The following CDH12 variants were observed in gnomAD, a reference collection of about 807,000 sequenced individuals.
CDH12 encodes the protein cadherin 12.
In CDH12, 41 loss-of-function variants were observed where a neutral mutation model predicts 74.1. That is an observed-to-expected ratio of 0.55 (90% CI 0.43 to 0.72). The LOEUF is 0.72. Among genes scored for constraint, CDH12 ranks in the 30% least tolerant of loss-of-function variants. CDH12 has a pLI of 0.00. For missense variants in CDH12, 945 were observed against 977.2 expected (o/e 0.97, Z 0.44); for synonymous variants, 399 against 355.0 (o/e 1.12, Z -1.39).
chr5:22,373,331 T>C (rs916738276), intron 3 of CDH12, among the ~76,000 whole-genome samples: 2 of 152,162 alleles, frequency 1.3e-5, no homozygotes, highest in African/African-American at 4.8e-5. Flanking sequence ...AGTGCCAGCA[T>C]GAACCACTTG....
intron 4 of CDH12, among the ~76,000 whole-genome samples, chr5:22,131,256 C>T (rs1165686802): frequency 6.6e-6 from 1 of 151,922 alleles, no homozygotes; most frequent in Non-Finnish European, 1.5e-5. Context: ...ATCTGGAATT[C>T]GGCATTGGCT....
At chr5:22,024,020 A>G (rs188888683) in intron 5 of CDH12, among the ~76,000 whole-genome samples, 4 of 152,316 alleles carry the variant, frequency 2.6e-5, no homozygotes, top group African/African-American at 9.6e-5. Context: ...GGGTGAGGGC[A>G]TATGGACCAT....
chr5:22,582,963 C>T (rs1257030267), intron 1 of CDH12, among the ~76,000 whole-genome samples: 1 of 152,054 alleles, frequency 6.6e-6, no homozygotes, highest in African/African-American at 2.4e-5. Flanking sequence ...GAAACCCCTG[C>T]TGCTAAAGGG....
intron 2 of CDH12, among the ~76,000 whole-genome samples, chr5:22,473,389 C>CT (rs1053273551): frequency 2.3e-4 from 35 of 152,106 alleles, no homozygotes; most frequent in African/African-American, 8.2e-4. Context: ...GGTATTTTGA[C>CT]TTTTTTAACT....
At chr5:22,411,033 T>A (rs1165300543) in intron 2 of CDH12, among the ~76,000 whole-genome samples, 1 of 151,894 alleles carries the variant, frequency 6.6e-6, no homozygotes, top group African/African-American at 2.4e-5. Context: ...TTGGGGATAA[T>A]TGTACTCTAC....
chr5:21,780,459 C>A (rs959193673), intron 11 of CDH12, among the ~76,000 whole-genome samples: 1 of 152,158 alleles, frequency 6.6e-6, no homozygotes, highest in Non-Finnish European at 1.5e-5. Flanking sequence ...AAGAGACCTG[C>A]CACAGCTACA....
chr5:22,403,817 A>G (rs1447338969), intron 3 of CDH12, among the ~76,000 whole-genome samples: 2 of 152,176 alleles, frequency 1.3e-5, no homozygotes, highest in African/African-American at 2.4e-5. Context: ...GATATCTGCA[A>G]CTGCACTGAG....
chr5:22,191,267 C>T (rs1434484695), intron 4 of CDH12, among the ~76,000 whole-genome samples: 1 of 152,026 alleles, frequency 6.6e-6, no homozygotes, highest in Non-Finnish European at 1.5e-5. Flanking sequence ...CTAGACCAAG[C>T]CAAGCCCTTC....
At chr5:22,697,587 A>AT in intron 1 of CDH12, among the ~76,000 whole-genome samples, 1 of 149,934 alleles carries the variant, frequency 6.7e-6, no homozygotes, top group African/African-American at 2.4e-5. Flanking sequence ...AAAAAAAAAA[A>AT]AAGAAAGAAA....
At chr5:22,182,847 TCTCTACAA>T (rs1235717956) in intron 4 of CDH12, among the ~76,000 whole-genome samples, 10 of 151,638 alleles carry the variant, frequency 6.6e-5, no homozygotes, top group Non-Finnish European at 1.5e-4. Context: ...TGTAGAACTT[TCTCTACAA>T]CTGATTAGAG....
intron 1 of CDH12, among the ~76,000 whole-genome samples, chr5:22,714,449 A>G (rs1743467639): frequency 6.6e-6 from 1 of 152,148 alleles, no homozygotes; most frequent in South Asian, 2.1e-4. Context: ...GCCTATAATT[A>G]TGTTAGTGAC....
At chr5:22,624,052 C>A (rs988253416) in intron 1 of CDH12, among the ~76,000 whole-genome samples, 1 of 152,030 alleles carries the variant, frequency 6.6e-6, no homozygotes, top group Non-Finnish European at 1.5e-5. Flanking sequence ...CTGACAAAAC[C>A]AAGAAATGGG....
Position 22,046,151 on chromosome 5 carries a change from G to A in CDH12, c.231+32295C>T, listed in dbSNP as rs28451791. Among the ~76,000 whole-genome samples, 1,077 of 151,766 alleles carry A rather than the reference G, an allele frequency of 7.1e-3. 8 individuals carry two copies. The highest frequency in any genetic ancestry group is 0.025 in the African/African-American group (1,034 of 41,356). On this transcript the variant is annotated intron_variant, in intron 5 of 14. Transcript: ENST00000382254. ...GTTTACTTGTTCAAGTAGTGTAGAT[G>A]TTCTGATTGAATTGATAATATAACA...
chr5:22,383,349 C>G (rs1206966507), intron 3 of CDH12, among the ~76,000 whole-genome samples: 3 of 152,234 alleles, frequency 2.0e-5, no homozygotes, highest in Middle Eastern at 3.4e-3. Context: ...ATAAGATATA[C>G]ACACAAAAAT....
rs564396941 is a variant in CDH12, at chr5:22,595,706, A to G, written c.-522-90342T>C. On this transcript the variant is annotated intron_variant, in intron 1 of 14. Transcript: ENST00000382254. ...ACAGTAGTCTTCATCTTCAATATCC[A>G]CCACTACATTTAAACTGTGAATCCC... is the stretch of plus-strand genomic sequence containing the variant. Among the ~76,000 whole-genome samples, 142 of 152,226 alleles carry G rather than the reference A, an allele frequency of 9.3e-4. 5 individuals are homozygous for G. The South Asian group carries it at 0.029, about 31-fold the overall frequency.
chr5:22,727,848 C>T (rs1237979033), intron 1 of CDH12, among the ~76,000 whole-genome samples: 4 of 151,088 alleles, frequency 2.6e-5, no homozygotes, highest in African/African-American at 9.7e-5. Flanking sequence ...TATCATTTTT[C>T]TTATGGAGGT....
At position 22,847,922 on chromosome 5, in the gene CDH12, C is replaced by T. The variant is rs758937922; in HGVS notation, c.-523+5136G>A. ...CTTGTGAGACCGAGTCTCACTCTGT[C>T]GCCCAGGCTGGAGAGCAATGGTGCG... On this transcript the variant is annotated intron_variant, in intron 1 of 14. Coordinates refer to ENST00000382254, the MANE Select transcript of CDH12 (RefSeq NM_004061.5). Among the ~76,000 whole-genome samples, 37 of 151,524 alleles carry T rather than the reference C, an allele frequency of 2.4e-4. 1 individual carries two copies. The highest frequency in any genetic ancestry group is 1.7e-3 in the Admixed American group (26 of 15,200).
intron 10 of CDH12, among the ~76,000 whole-genome samples, chr5:21,800,809 T>C (rs376037530): frequency 7.2e-5 from 11 of 152,172 alleles, no homozygotes; most frequent in African/African-American, 2.7e-4. Flanking sequence ...AGTGAGTTCT[T>C]ACAAAATCTG....
chr5:22,364,458 A>G (rs1454947533), intron 3 of CDH12, among the ~76,000 whole-genome samples: 5 of 152,188 alleles, frequency 3.3e-5, no homozygotes, highest in Admixed American at 3.3e-4. Context: ...CAGATTTGAA[A>G]TGAACCTTCA....
Sources: allele counts gnomAD v4.1 joint callset (sites outside exome capture counted in the v4.1 genomes callset), GRCh38; gene constraint gnomAD v4.1.1; transcripts MANE v1.5; gene names NCBI Gene and HGNC (gene_info 2026-07-23, HGNC 2026-07-21).